Variants in GRM8 observed in about 807,000 individuals in gnomAD.
The protein encoded by GRM8 is metabotropic glutamate receptor 8.
Under a neutral mutation model 87.2 loss-of-function variants are expected in GRM8, and 47 were observed. The observed-to-expected ratio is 0.54, with a 90% confidence interval of 0.43 to 0.69. The LOEUF (loss-of-function observed/expected upper bound fraction) is 0.69, where lower values mean the gene tolerates loss of function less well. GRM8 is among the 30% of genes least tolerant of loss of function. The pLI is 0.00. For missense variants in GRM8, 1,019 were observed against 1,139.2 expected, an observed-to-expected ratio of 0.89 and a Z score of 1.52; for synonymous variants, 396 against 404.5, an observed-to-expected ratio of 0.98 and a Z score of 0.25.
chr7:127,105,816 T>G (rs1347223866), intron 3 of GRM8, among the ~76,000 whole-genome samples: 1 of 152,212 alleles, frequency 6.6e-6, no homozygotes, highest in East Asian at 1.9e-4. Context: ...TTTTGCTCTG[T>G]GTTTTCAAAG....
intron 8 of GRM8, among the ~76,000 whole-genome samples, chr7:126,551,251 GA>G (rs1792552558): frequency 6.6e-6 from 1 of 152,104 alleles, no homozygotes; most frequent in Admixed American, 6.6e-5. Flanking sequence ...AGGCTCACGA[GA>G]AAGGTATCAG....
chr7:126,856,393 A>G (rs1797687502), intron 6 of GRM8, among the ~76,000 whole-genome samples: 3 of 152,162 alleles, frequency 2.0e-5, no homozygotes, highest in African/African-American at 7.2e-5. Context: ...ATCTGAGTAG[A>G]TGCAGTTGAA....
chr7:127,057,678 A>G (rs892313691), intron 3 of GRM8, among the ~76,000 whole-genome samples: 5 of 152,308 alleles, frequency 3.3e-5, no homozygotes, highest in Admixed American at 2.6e-4. Flanking sequence ...ATGTAATTTC[A>G]ATTATAAATC....
At chr7:127,249,737 G>A (rs1798762455) in intron 1 of GRM8, among the ~76,000 whole-genome samples, 1 of 152,238 alleles carries the variant, frequency 6.6e-6, no homozygotes. Flanking sequence ...CAATAAGCCA[G>A]CCAACTCTCA....
chr7:126,721,685 C>T (rs1334532447), intron 7 of GRM8, among the ~76,000 whole-genome samples: 1 of 151,976 alleles, frequency 6.6e-6, no homozygotes, highest in Non-Finnish European at 1.5e-5. Context: ...ATTGTTGATT[C>T]GCTTTCATTT....
chr7:126,988,650 A>T (rs956868364), intron 3 of GRM8, among the ~76,000 whole-genome samples: 1 of 152,258 alleles, frequency 6.6e-6, no homozygotes, highest in Admixed American at 6.5e-5. Context: ...TGTCAAATTC[A>T]ACAGCATTAT....
At chr7:126,943,600 A>T (rs1411786616) in intron 3 of GRM8, among the ~76,000 whole-genome samples, 1 of 152,236 alleles carries the variant, frequency 6.6e-6, no homozygotes, top group African/African-American at 2.4e-5. Flanking sequence ...TCATTGGCCC[A>T]GACTCCATTT....
rs865903063 is a variant in GRM8 at position 126,770,009 on chromosome 7, C to A, written c.1213G>T (p.Val405Leu). 6.2e-7 allele frequency: 1 copy of A among 1,612,644 alleles called. No homozygotes were observed. Among genetic ancestry groups the A allele is most frequent in the Non-Finnish European group, 8.5e-7 (1 of 1,179,140 alleles). ...SYEQEGKVQF[V>L]IDAVYSMAYA... is the part of the protein sequence containing the mutation. ...GCCATGGAATATACAGCATCAATTACAAATTGGACCTTTCCTTCCTGTTCA... is the reference window on the plus strand; with the variant it reads ...GCCATGGAATATACAGCATCAATTAAAAATTGGACCTTTCCTTCCTGTTCA... Residue 405 changes from valine (V) to leucine (L), a missense_variant, in exon 7 of 11, where the codon GTA (valine) becomes TTA (leucine). Transcript: ENST00000339582.
intron 6 of GRM8, among the ~76,000 whole-genome samples, chr7:126,802,402 T>G (rs1174629044): frequency 2.0e-5 from 3 of 152,202 alleles, no homozygotes; most frequent in Non-Finnish European, 4.4e-5. Flanking sequence ...CTTTTTAAGA[T>G]TCCACATAAA....
chr7:126,735,142 C>T (rs1428853982), intron 7 of GRM8, among the ~76,000 whole-genome samples: 1 of 151,784 alleles, frequency 6.6e-6, no homozygotes, highest in Non-Finnish European at 1.5e-5. Flanking sequence ...TGCTGTAGGG[C>T]AAGTAACACC....
chr7:127,012,888 G>A (rs1431352704), intron 3 of GRM8, among the ~76,000 whole-genome samples: 2 of 152,220 alleles, frequency 1.3e-5, no homozygotes, highest in Admixed American at 1.3e-4. Context: ...GGGTTTAGAA[G>A]GTGTATTAGC....
chr7:126,454,504 C>T lies in GRM8; in HGVS notation c.2431-8132G>A, dbSNP rs1389082386. ...GGAGGCACATGATGTTTTAAAAGTG[C>T]TATTTTTTTTTTTCTGGTGATATCC... On this transcript the variant is annotated intron_variant, in intron 9 of 10. Transcript: ENST00000339582. 4.5e-5 allele frequency among the ~76,000 whole-genome samples: 6 copies of T among 134,384 alleles called. No homozygotes were observed. In the South Asian group the frequency reaches 9.0e-4, roughly 20 times the overall value. 88.2% of individuals were successfully genotyped at this position (134,384 alleles called of 152,430 possible).
intron 3 of GRM8, among the ~76,000 whole-genome samples, chr7:126,961,345 C>A (rs1809299954): frequency 6.6e-6 from 1 of 152,176 alleles, no homozygotes; most frequent in Non-Finnish European, 1.5e-5. Context: ...AAGGGCTTGT[C>A]TTTTGGAAGT....
At chr7:126,982,195 C>A (rs973791788) in intron 3 of GRM8, among the ~76,000 whole-genome samples, 2 of 152,112 alleles carry the variant, frequency 1.3e-5, no homozygotes, top group Non-Finnish European at 2.9e-5. Context: ...GCCAGTCTAA[C>A]CTTTTCATGC....
Position 126,925,316 on chromosome 7 carries a change from T to C in GRM8, c.728-20633A>G, listed in dbSNP as rs376610008. Reference sequence around the variant, plus strand: ...TCTGTGAAATTTGTGCTGAATGAATTTTTAGAAAGCAGAATGCAGTACTAG... The same window carrying C: ...TCTGTGAAATTTGTGCTGAATGAATCTTTAGAAAGCAGAATGCAGTACTAG... On this transcript the variant is annotated intron_variant, in intron 3 of 10. Transcript: ENST00000339582. Among the ~76,000 whole-genome samples the C allele has an allele frequency of 9.3e-4, 141 of 152,324 alleles. 6 individuals are homozygous for C. The South Asian group carries it at 0.029, about 31-fold the overall frequency.
At chr7:127,150,037 C>A (rs1191620563) in intron 2 of GRM8, among the ~76,000 whole-genome samples, 1 of 152,026 alleles carries the variant, frequency 6.6e-6, no homozygotes, top group Non-Finnish European at 1.5e-5. Context: ...ACCACAAAAA[C>A]AAAGGGTAAC....
intron 3 of GRM8, among the ~76,000 whole-genome samples, chr7:127,062,472 G>A (rs1166025874): frequency 6.6e-6 from 1 of 152,198 alleles, no homozygotes; most frequent in Non-Finnish European, 1.5e-5. Flanking sequence ...CATGAAAGCT[G>A]GGGTTCAGCT....
At chr7:126,854,817 A>G (rs990885663) in intron 6 of GRM8, among the ~76,000 whole-genome samples, 1 of 152,172 alleles carries the variant, frequency 6.6e-6, no homozygotes. Context: ...TAACTTACCT[A>G]TTTTTGCATT....
intron 6 of GRM8, among the ~76,000 whole-genome samples, chr7:126,884,096 C>T (rs1277905888): frequency 6.6e-6 from 1 of 152,000 alleles, no homozygotes; most frequent in Non-Finnish European, 1.5e-5. Flanking sequence ...CCCTAGGATT[C>T]TGCTAAAATC....
Sources: gnomAD v4.1 joint callset for allele counts (sites outside exome capture counted in the v4.1 genomes callset) on GRCh38, gnomAD v4.1.1 for gene constraint, MANE v1.5 for transcripts, NCBI Gene and HGNC (gene_info 2026-07-23, HGNC 2026-07-21) for gene names.